CSMD1: variants seen among roughly 807,000 people sequenced by gnomAD.
CSMD1 encodes the protein CUB and Sushi multiple domains 1.
In CSMD1, 213 loss-of-function variants were observed where a neutral mutation model predicts 417.5. The ratio of observed to expected loss-of-function variants is 0.51; its 90% CI spans 0.46 to 0.57. The LOEUF (loss-of-function observed/expected upper bound fraction) is 0.57. Among genes scored for constraint, CSMD1 ranks in the 20% least tolerant of loss-of-function variants. The pLI, the probability that CSMD1 is intolerant of heterozygous loss-of-function variation, is 0.00. For synonymous variants in CSMD1, 2,862 were observed against 1,736.8 expected, an observed-to-expected ratio of 1.65 and a Z score of -16.11; for missense variants, 6,923 against 4,529.7, an observed-to-expected ratio of 1.53 and a Z score of -15.17.
intron 1 of CSMD1, among the ~76,000 whole-genome samples, chr8:4,660,704 A>C (rs372276171): frequency 0.014 from 2,110 of 152,090 alleles, 42 homozygotes; most frequent in African/African-American, 0.047. Flanking sequence ...CAGACCGCAG[A>C]AAGTATTTGA....
chr8:4,053,705 C>G lies in CSMD1; in HGVS notation c.416-21606G>C, dbSNP rs939488205. 7.2e-5 allele frequency among the ~76,000 whole-genome samples: 11 copies of G among 152,002 alleles called. 1 individual carries two copies. The highest frequency in any genetic ancestry group is 2.7e-4 in the African/African-American group (11 of 41,384). ...GTTAAAATCAAACAGCTCATCATGGCAGTAGGAGGAAAATGCTCCAGAACT... is the reference window on the plus strand; with the variant it reads ...GTTAAAATCAAACAGCTCATCATGGGAGTAGGAGGAAAATGCTCCAGAACT... On this transcript the variant is annotated intron_variant, in intron 3 of 69. Transcript: ENST00000635120.
At chr8:4,008,681 G>C (rs990838275) in intron 4 of CSMD1, among the ~76,000 whole-genome samples, 1 of 137,530 alleles carries the variant, frequency 7.3e-6, no homozygotes, top group South Asian at 2.3e-4. Flanking sequence ...TGCGATCTCA[G>C]GTAACTGCAA....
intron 2 of CSMD1, among the ~76,000 whole-genome samples, chr8:4,589,874 C>A (rs977988940): frequency 1.3e-5 from 2 of 152,120 alleles, no homozygotes; most frequent in African/African-American, 4.8e-5. Flanking sequence ...CTATCAGGAG[C>A]CTGATGCCAC....
chr8:3,005,356 G>A (rs902161930), intron 52 of CSMD1, among the ~76,000 whole-genome samples: 2 of 152,132 alleles, frequency 1.3e-5, no homozygotes, highest in Non-Finnish European at 2.9e-5. Context: ...AGGAGGAACT[G>A]GTACCATTCC....
chr8:3,591,741 G>C (rs1381444123), intron 8 of CSMD1, among the ~76,000 whole-genome samples: 1 of 151,218 alleles, frequency 6.6e-6, no homozygotes, highest in Non-Finnish European at 1.5e-5. Flanking sequence ...CAGATACACA[G>C]ATAAACGGAG....
chr8:3,772,187 TATAC>T (rs1431408114), intron 5 of CSMD1, among the ~76,000 whole-genome samples: 16 of 66,390 alleles, frequency 2.4e-4, no homozygotes, highest in Admixed American at 7.8e-4. Flanking sequence ...TATATATATA[TATAC>T]ACACACACAC....
intron 6 of CSMD1, among the ~76,000 whole-genome samples, chr8:3,724,148 G>A (rs4302870): frequency 0.49 from 39,252 of 80,232 alleles, 6,641 homozygotes; most frequent in South Asian, 0.66. Flanking sequence ...CATGCCAGAC[G>A]TTAAAAAGTT....
chr8:4,498,334 C>T (rs746111840), intron 2 of CSMD1, among the ~76,000 whole-genome samples: 2 of 152,044 alleles, frequency 1.3e-5, no homozygotes, highest in Non-Finnish European at 2.9e-5. Flanking sequence ...GACACACACA[C>T]GTTAACTTAT....
At chr8:4,280,335 C>G (rs961427759) in intron 3 of CSMD1, among the ~76,000 whole-genome samples, 19 of 152,080 alleles carry the variant, frequency 1.2e-4, no homozygotes, top group African/African-American at 4.6e-4. Flanking sequence ...TTACCACGTT[C>G]TGAAAAAATA....
chr8:4,694,623 A>C (rs1376049840), intron 1 of CSMD1, among the ~76,000 whole-genome samples: 6 of 151,930 alleles, frequency 3.9e-5, no homozygotes. Flanking sequence ...TCAGCCTTCC[A>C]AAGTACTAGG....
intron 1 of CSMD1, among the ~76,000 whole-genome samples, chr8:4,964,816 G>C (rs929407844): frequency 6.6e-5 from 10 of 152,146 alleles, no homozygotes; most frequent in African/African-American, 2.2e-4. Flanking sequence ...TCCACCTGTT[G>C]TGCACCCACG....
chr8:4,261,416 G>C (rs1394763033), intron 3 of CSMD1, among the ~76,000 whole-genome samples: 1 of 152,110 alleles, frequency 6.6e-6, no homozygotes, highest in African/African-American at 2.4e-5. Flanking sequence ...GGGGAGAGGG[G>C]AAATGGGGAA....
intron 1 of CSMD1, among the ~76,000 whole-genome samples, chr8:4,699,193 G>A (rs1318810392): frequency 1.3e-5 from 2 of 152,152 alleles, no homozygotes; most frequent in African/African-American, 4.8e-5. Flanking sequence ...AGCCTGCTAA[G>A]TATGTAAAGT....
chr8:3,404,009 G>C (rs779364231), intron 15 of CSMD1, among the ~76,000 whole-genome samples: 1 of 152,034 alleles, frequency 6.6e-6, no homozygotes, highest in Non-Finnish European at 1.5e-5. Context: ...CCCACAAATT[G>C]TTTTAACAAT....
At chr8:3,922,156 G>A (rs1411614195) in intron 5 of CSMD1, among the ~76,000 whole-genome samples, 5 of 151,484 alleles carry the variant, frequency 3.3e-5, no homozygotes, top group Admixed American at 3.3e-4. Context: ...TTCCGTTTTT[G>A]CCTAATGTCT....
At chr8:3,950,202 C>G (rs147246367) in intron 5 of CSMD1, among the ~76,000 whole-genome samples, 5 of 152,176 alleles carry the variant, frequency 3.3e-5, no homozygotes, top group African/African-American at 4.8e-5. Context: ...CGATCCAATA[C>G]TGACTGTGAA....
intron 5 of CSMD1, among the ~76,000 whole-genome samples, chr8:3,896,919 C>G (rs1199488149): frequency 1.3e-5 from 2 of 152,016 alleles, no homozygotes; most frequent in Non-Finnish European, 2.9e-5. Context: ...ATAACAACCT[C>G]TATCTCACAA....
chr8:3,801,657 C>G (rs549258472), intron 5 of CSMD1, among the ~76,000 whole-genome samples: 2 of 152,176 alleles, frequency 1.3e-5, no homozygotes, highest in African/African-American at 4.8e-5. Context: ...TATAGTAACA[C>G]AAAAACTAGT....
intron 1 of CSMD1, among the ~76,000 whole-genome samples, chr8:4,781,779 G>C (rs570818767): frequency 6.6e-6 from 1 of 152,202 alleles, no homozygotes; most frequent in East Asian, 1.9e-4. Flanking sequence ...TAATATGTGA[G>C]GAATAATGAT....
Sources: gnomAD v4.1 joint callset for allele counts (sites outside exome capture counted in the v4.1 genomes callset) on GRCh38, gnomAD v4.1.1 for gene constraint, MANE v1.5 for transcripts, NCBI Gene and HGNC (gene_info 2026-07-23, HGNC 2026-07-21) for gene names.